Variants in INTS4 observed in about 807,000 individuals in gnomAD.
INTS4 encodes the protein MSTP093.
In INTS4, 70 loss-of-function variants were observed where a neutral mutation model predicts 119.5. That is an observed-to-expected ratio of 0.59 (90% CI 0.48 to 0.71). INTS4 has a LOEUF of 0.71. INTS4 is among the 30% of genes least tolerant of loss of function. INTS4 has a pLI of 0.00. For synonymous variants in INTS4, 316 were observed against 419.6 expected, an observed-to-expected ratio of 0.75 and a Z score of 3.02; for missense variants, 867 against 1,173.2, an observed-to-expected ratio of 0.74 and a Z score of 3.81.
chr11:77,936,836 C>T (rs581906), intron 10 of INTS4, among the ~76,000 whole-genome samples: 14,849 of 151,886 alleles, frequency 0.098, 999 homozygotes, highest in Non-Finnish European at 0.15. Context: ...CTAATGCATG[C>T]GTAATGAAAG....
intron 16 of INTS4, among the ~76,000 whole-genome samples, chr11:77,905,536 A>T (rs749194192): frequency 1.3e-5 from 2 of 152,134 alleles, no homozygotes; most frequent in Non-Finnish European, 2.9e-5. Context: ...TGACTCCATG[A>T]AAGTGCATCA....
chr11:77,908,548 C>T lies in INTS4; in HGVS notation c.1923-738G>A, dbSNP rs565934799. 1.2e-3 allele frequency among the ~76,000 whole-genome samples: 178 copies of T among 152,252 alleles called. 1 individual carries two copies. The highest frequency in any genetic ancestry group is 2.1e-3 in the Non-Finnish European group (140 of 68,010). On this transcript the variant is annotated intron_variant, in intron 15 of 22. Transcript: ENST00000534064. ...TTCACCATGTTGGCCAGGCTGGTCT[C>T]AAGCTCCTGACCTCGTGATCTGCCT...
chr11:77,932,964 G>C (rs190074298), intron 10 of INTS4, among the ~76,000 whole-genome samples: 2 of 146,642 alleles, frequency 1.4e-5, no homozygotes, highest in Admixed American at 6.8e-5. Context: ...GTCAGGGGGT[G>C]GGGGGCTGGG....
At position 77,891,812 on chromosome 11, in the gene INTS4, G is replaced by C; in HGVS notation, c.2317C>G (p.Gln773Glu). Residue 773 changes from glutamine (Q) to glutamate (E), a missense_variant, in exon 20 of 23, where the codon CAG becomes GAG. Gln to Glu is a conservative substitution (Grantham distance 29, BLOSUM62 2). This residue lies in a region of INTS4 where 262 missense variants were observed against 376.0 expected (regional missense o/e 0.70). Transcript: ENST00000534064. ...AGGAGTTTGTCCACAAAGCTGTCCT[G>C]CAAGTGGGGCAAATCAGCGATGAAA... is the stretch of plus-strand genomic sequence containing the variant. ...RYFIADLPHL[Q>E]DSFVDKLLDL... is the part of the protein sequence containing the mutation. 2 of 1,611,694 alleles carry C rather than the reference G, an allele frequency of 1.2e-6. No individual in the cohort carries two copies. The highest frequency in any genetic ancestry group is 1.7e-6 in the Non-Finnish European group (2 of 1,179,628).
At chr11:77,924,668 CTA>C (rs1283756827) in intron 12 of INTS4, 80 bp downstream of exon 12, 29 of 1,350,706 alleles carry the variant, frequency 2.1e-5, no homozygotes, top group Middle Eastern at 2.6e-4. Context: ...TATCCTCAAT[CTA>C]TAAGGACGGA....
chr11:77,901,856 A>G (rs1952787813), intron 17 of INTS4, among the ~76,000 whole-genome samples: 1 of 151,842 alleles, frequency 6.6e-6, no homozygotes, highest in African/African-American at 2.4e-5. Flanking sequence ...CCCTAAATGA[A>G]GCCCACTCTG....
At chr11:77,975,768 T>C (rs1855922678) in intron 4 of INTS4, among the ~76,000 whole-genome samples, 1 of 151,872 alleles carries the variant, frequency 6.6e-6, no homozygotes, top group Middle Eastern at 3.2e-3. Flanking sequence ...CCATCCTGGC[T>C]AACATGGTGA....
intron 18 of INTS4, among the ~76,000 whole-genome samples, chr11:77,897,420 G>A (rs906629036): frequency 1.3e-5 from 2 of 151,136 alleles, no homozygotes; most frequent in Non-Finnish European, 2.9e-5. Flanking sequence ...AACTTTAAAA[G>A]ATTATATTTA....
At chr11:77,907,832 A>C (rs1320397531) in intron 15 of INTS4, 22 bp from the exon 16 acceptor site, 2 of 1,451,534 alleles carry the variant, frequency 1.4e-6, no homozygotes, top group African/African-American at 1.4e-5. Flanking sequence ...AAAACCCCCA[A>C]GGCAAACACA....
chr11:77,876,534 C>T (rs1208707565), downstream of INTS4, among the ~76,000 whole-genome samples: 2 of 151,964 alleles, frequency 1.3e-5, no homozygotes, highest in Admixed American at 6.6e-5. Flanking sequence ...CGATACGATA[C>T]TTGAATTGCT....
chr11:77,975,897 A>C (rs1214203717), intron 4 of INTS4, among the ~76,000 whole-genome samples: 2 of 151,916 alleles, frequency 1.3e-5, no homozygotes, highest in African/African-American at 4.8e-5. Context: ...CAGAGGTGTC[A>C]GTGAGCCGAG....
In INTS4 at chr11:77,918,830, A is replaced by T. The variant is rs748084985; in HGVS notation, c.1913T>A (p.Phe638Tyr). ...DPQGAQELLE[F>Y]TIRDLQRLGE... is the part of the protein sequence containing the mutation. The stretch of plus-strand genomic sequence containing the variant: ...GGGATGATTACCCTACCTGATGGTG[A>T]ATTCCAGCAGCTCCTGGGCTCCCTG... Residue 638 changes from phenylalanine (F) to tyrosine (Y), a missense_variant, in exon 15 of 23, where the codon TTC (phenylalanine) becomes TAC (tyrosine). Phe to Tyr is a conservative substitution (Grantham distance 22, BLOSUM62 3). Transcript: ENST00000534064. 1 of 1,613,310 alleles carries T rather than the reference A, an allele frequency of 6.2e-7. No individual in the cohort carries two copies. Among genetic ancestry groups the T allele is most frequent in the Admixed American group, 1.7e-5 (1 of 59,996 alleles).
intron 16 of INTS4, among the ~76,000 whole-genome samples, chr11:77,907,039 T>C (rs1952971991): frequency 6.6e-6 from 1 of 152,210 alleles, no homozygotes; most frequent in Non-Finnish European, 1.5e-5. Flanking sequence ...TTAAAAGCAA[T>C]GAAATCAACC....
chr11:77,941,962 A>C (rs1263537283), intron 8 of INTS4, among the ~76,000 whole-genome samples: 1 of 152,240 alleles, frequency 6.6e-6, no homozygotes, highest in Non-Finnish European at 1.5e-5. Flanking sequence ...CACAAAGAAT[A>C]AATTCCAGAG....
chr11:77,900,112 T>A (rs916381420), intron 18 of INTS4, among the ~76,000 whole-genome samples: 5 of 150,020 alleles, frequency 3.3e-5, no homozygotes, highest in East Asian at 3.9e-4. Context: ...TTTTTTTTTT[T>A]ATATAAAGAT....
At chr11:77,991,012 C>T in intron 2 of INTS4, 96 bp downstream of exon 2, 1 of 1,062,474 alleles carries the variant, frequency 9.4e-7, no homozygotes. Flanking sequence ...TAAAAGCTTC[C>T]TAATGAATAC....
intron 18 of INTS4, among the ~76,000 whole-genome samples, chr11:77,895,391 T>G (rs1188064235): frequency 6.6e-6 from 1 of 151,936 alleles, no homozygotes; most frequent in Admixed American, 6.6e-5. Context: ...TGAGTAGACT[T>G]TGTATTCTTC....
chr11:77,929,804 G>C (rs1385768418), intron 10 of INTS4, among the ~76,000 whole-genome samples: 1 of 152,136 alleles, frequency 6.6e-6, no homozygotes, highest in Non-Finnish European at 1.5e-5. Context: ...GGTAAGTGGA[G>C]ATAATACTCA....
rs1050514691 is a variant in INTS4, at chr11:77,897,305, A to G, written c.2229-2956T>C. On this transcript the variant is annotated intron_variant, in intron 18 of 22. Coordinates refer to ENST00000534064, the MANE Select transcript of INTS4 (RefSeq NM_033547.4). ...GTTCAGGAGTTCAAGACTGGCCTGG[A>G]CAACGCAGTGAAACCATGTTTCTAT... Among the ~76,000 whole-genome samples the G allele has an allele frequency of 1.5e-4, 23 of 151,976 alleles. 2 individuals carry two copies. Among genetic ancestry groups the G allele is most frequent in the African/African-American group, 5.6e-4 (23 of 41,338 alleles).
Sources: allele counts gnomAD v4.1 joint callset (sites outside exome capture counted in the v4.1 genomes callset), GRCh38; gene constraint gnomAD v4.1.1; regional missense constraint gnomAD v4.1.1; transcripts MANE v1.5; gene names NCBI Gene and HGNC (gene_info 2026-07-23, HGNC 2026-07-21).